Variants in RGS22 observed in about 807,000 individuals in gnomAD.
The protein encoded by RGS22 is regulator of G protein signaling 22.
Under a neutral mutation model 172.9 loss-of-function variants are expected in RGS22, and 148 were observed. The observed-to-expected ratio is 0.86, with a 90% CI of 0.75 to 0.98. The LOEUF (loss-of-function observed/expected upper bound fraction) is 0.98, where lower values mean the gene tolerates loss of function less well. Among genes scored for constraint, RGS22 ranks in the 50% least tolerant of loss-of-function variants. The pLI is 0.00. For missense variants in RGS22, 1,347 were observed against 1,440.8 expected (o/e 0.93, Z 1.05); for synonymous variants, 458 against 480.2 (o/e 0.95, Z 0.60).
At chr8:99,973,840 GC>G (rs1202723061) in intron 23 of RGS22, among the ~76,000 whole-genome samples, 2 of 147,934 alleles carry the variant, frequency 1.4e-5, no homozygotes, top group African/African-American at 2.5e-5. Flanking sequence ...CTGCACTCCA[GC>G]CCGGGCGACA....
At chr8:99,963,830 C>T (rs1810451944) in intron 24 of RGS22, among the ~76,000 whole-genome samples, 1 of 152,096 alleles carries the variant, frequency 6.6e-6, no homozygotes, top group South Asian at 2.1e-4. Flanking sequence ...CTTGGAACCA[C>T]CCCACAGTGG....
chr8:99,978,138 C>G, intron 22 of RGS22, 63 bp from the exon 23 acceptor site: 2 of 933,942 alleles, frequency 2.1e-6, no homozygotes, highest in Non-Finnish European at 3.1e-6. Flanking sequence ...ACTCTATTCA[C>G]CATAATAACA....
rs560215095 is a variant in RGS22 at position 100,069,699 on chromosome 8, T to C, written c.594+1670A>G. Among the ~76,000 whole-genome samples the C allele has an allele frequency of 3.9e-5, 6 of 152,300 alleles. No homozygotes were observed. The East Asian group carries it at 1.2e-3, about 29-fold the overall frequency. Reference sequence around the variant, plus strand: ...ATGAACAATGAAACCATGGATATAATTCAAGTTACTCTTGCTTCCCAGGTG... The same window carrying C: ...ATGAACAATGAAACCATGGATATAACTCAAGTTACTCTTGCTTCCCAGGTG... On this transcript the variant is annotated intron_variant, in intron 6 of 27. Coordinates refer to ENST00000360863, the MANE Select transcript of RGS22 (RefSeq NM_015668.5).
chr8:100,038,102 G>A (rs1293474765), intron 14 of RGS22, among the ~76,000 whole-genome samples: 1 of 152,154 alleles, frequency 6.6e-6, no homozygotes, highest in Non-Finnish European at 1.5e-5. Context: ...AGGTCCTCTG[G>A]AATGCAGTTA....
At chr8:99,963,649 C>T (rs989584781) in intron 24 of RGS22, among the ~76,000 whole-genome samples, 2 of 152,070 alleles carry the variant, frequency 1.3e-5, no homozygotes, top group Non-Finnish European at 2.9e-5. Context: ...ATAAAATATA[C>T]AGTATAACTA....
At chr8:100,009,868 T>C (rs1254818650) in intron 14 of RGS22, among the ~76,000 whole-genome samples, 2 of 152,214 alleles carry the variant, frequency 1.3e-5, no homozygotes, top group Non-Finnish European at 2.9e-5. Flanking sequence ...AGGTGCTATG[T>C]ATGTAAAGAT....
chr8:100,072,219 A>G lies in RGS22; in HGVS notation c.351T>C (p.Arg117=). The part of the protein sequence containing the change: ...NVNYNIMCLS[R]EEGIKWIKKE... ...TTTTGATCCACTTAATACCTTCTTC[A>G]CGACTGAGACACTATGAGAAGAAAG... The change falls in exon 5 of 28, where the codon CGT becomes CGC. Residue 117 remains arginine (R), a synonymous_variant. Coordinates refer to ENST00000360863, the MANE Select transcript of RGS22 (RefSeq NM_015668.5). The G allele has an allele frequency of 1.3e-6, 2 of 1,581,870 alleles. No homozygotes were observed. Among genetic ancestry groups the G allele is most frequent in the Non-Finnish European group, 1.7e-6 (2 of 1,165,786 alleles).
chr8:100,060,421 T>TATATATATATATATATACACACAC (rs1245783464), intron 9 of RGS22, among the ~76,000 whole-genome samples: 1 of 119,482 alleles, frequency 8.4e-6, no homozygotes, highest in African/African-American at 2.9e-5. Flanking sequence ...TATATATATA[T>TATATATATATATATATACACACAC]ACACACACAC....
intron 2 of RGS22, among the ~76,000 whole-genome samples, chr8:100,098,311 A>C (rs2132032311): frequency 6.6e-6 from 1 of 152,352 alleles, no homozygotes; most frequent in South Asian, 2.1e-4. Context: ...CCTAAAGAGA[A>C]AAGACTAATA....
At chr8:99,983,736 C>A (rs1312155727) in intron 21 of RGS22, among the ~76,000 whole-genome samples, 8 of 152,072 alleles carry the variant, frequency 5.3e-5, no homozygotes, top group African/African-American at 1.9e-4. Context: ...TCATTATTTT[C>A]CAAATCATCA....
chr8:100,049,082 G>C (rs1821016731), intron 10 of RGS22, among the ~76,000 whole-genome samples: 1 of 152,086 alleles, frequency 6.6e-6, no homozygotes, highest in Non-Finnish European at 1.5e-5. Flanking sequence ...GCTGGCTTAG[G>C]TGAAAGCTAG....
intron 20 of RGS22, among the ~76,000 whole-genome samples, chr8:99,988,497 A>G (rs1019915601): frequency 1.3e-5 from 2 of 152,162 alleles, no homozygotes; most frequent in Admixed American, 1.3e-4. Context: ...AAGTTTCCCA[A>G]AGCTGATTTT....
chr8:100,002,905 GA>G (rs1223192654), intron 17 of RGS22: 1 of 154,604 alleles, frequency 6.5e-6, no homozygotes, highest in African/African-American at 2.4e-5. Flanking sequence ...ACTAAAAATA[GA>G]AAAATTAGCT....
Position 100,002,361 on chromosome 8 carries a change from C to T in RGS22, c.2631G>A (p.Met877Ile). 1.3e-6 allele frequency: 2 copies of T among 1,596,788 alleles called. No individual in the cohort carries two copies. Among genetic ancestry groups the T allele is most frequent in the Non-Finnish European group, 1.7e-6 (2 of 1,175,568 alleles). ...RQFLETHSSSMDLMCWTDIEQ... is the reference protein window; with the variant it reads ...RQFLETHSSSIDLMCWTDIEQ... ...CAATGTCTGTCCAGCACATAAGATC[C>T]ATGCTAAAATGAAAACAAAAACAAT... is the stretch of plus-strand genomic sequence containing the variant. Residue 877 changes from methionine (M) to isoleucine (I), a missense_variant, in exon 18 of 28, where the codon ATG becomes ATA. Transcript: ENST00000360863.
At chr8:99,969,714 A>G (rs947139918) in intron 23 of RGS22, among the ~76,000 whole-genome samples, 1 of 152,246 alleles carries the variant, frequency 6.6e-6, no homozygotes. Context: ...TGTGCACCCA[A>G]TACAGGAGAT....
intron 14 of RGS22, among the ~76,000 whole-genome samples, chr8:100,031,738 G>A (rs1818836577): frequency 6.6e-6 from 1 of 152,256 alleles, no homozygotes; most frequent in Admixed American, 6.5e-5. Flanking sequence ...ACAAAAGACA[G>A]TAGTCCTCAG....
At chr8:99,970,704 C>T (rs894036821) in intron 23 of RGS22, among the ~76,000 whole-genome samples, 1 of 152,074 alleles carries the variant, frequency 6.6e-6, no homozygotes, top group Non-Finnish European at 1.5e-5. Context: ...CTGAATAGAC[C>T]AATAACAAGT....
chr8:99,964,987 C>T lies in RGS22; in HGVS notation c.3615+348G>A, dbSNP rs1190322445. Among the ~76,000 whole-genome samples the T allele has an allele frequency of 3.9e-5, 6 of 152,130 alleles. No individual in the cohort carries two copies. The East Asian group carries it at 9.6e-4, about 24-fold the overall frequency. ...AATTTGAGACTAAGCATTTGACATT[C>T]TTCTGTCATTTTTTAACCCAAGAAT... On this transcript the variant is annotated intron_variant, in intron 24 of 27. Coordinates refer to ENST00000360863, the MANE Select transcript of RGS22 (RefSeq NM_015668.5).
chr8:99,972,161 A>G (rs1029818802), intron 23 of RGS22, among the ~76,000 whole-genome samples: 1 of 152,202 alleles, frequency 6.6e-6, no homozygotes, highest in South Asian at 2.1e-4. Flanking sequence ...AGGATTCCCT[A>G]TTTAATAAAT....
Sources: gnomAD v4.1 joint callset for allele counts (sites outside exome capture counted in the v4.1 genomes callset) on GRCh38, gnomAD v4.1.1 for gene constraint, MANE v1.5 for transcripts, NCBI Gene and HGNC (gene_info 2026-07-23, HGNC 2026-07-21) for gene names.